The following IDUA variants were observed in gnomAD, a reference collection of about 807,000 sequenced individuals.
IDUA encodes the protein iduronidase alpha-L-.
Under a neutral mutation model 68.9 loss-of-function variants are expected in IDUA, and 65 were observed. The observed-to-expected ratio is 0.94, with a 90% CI of 0.77 to 1.16. The LOEUF is 1.16. Ranked by LOEUF, IDUA falls within the 50% of genes most tolerant of loss-of-function variation. IDUA has a pLI of 0.00. For synonymous variants in IDUA, 529 were observed against 433.6 expected (o/e 1.22, Z -2.73); for missense variants, 1,046 against 938.0 (o/e 1.12, Z -1.50).
In IDUA at chr4:1,003,962, C is replaced by T. The variant is rs1715285534; in HGVS notation, c.1728-50C>T. 3.4e-6 allele frequency: 5 copies of T among 1,479,946 alleles called. No homozygotes were observed. In the South Asian group the frequency reaches 3.4e-5, roughly 10 times the overall value. The allele number at this position is 1,479,946 out of a possible 1,614,324, so 91.7% of individuals were successfully genotyped here. A position where few individuals can be genotyped will look rare whatever the true frequency, so the allele number is the denominator to read the frequency against. ...GCGGCCGTGCCCTGCCTGCTCCCAC[C>T]TTTGAGGACTGTCTTGACCCCAGCC... is the stretch of plus-strand genomic sequence containing the variant. On this transcript the variant is annotated intron_variant, in intron 12 of 13. Coordinates refer to ENST00000514224, the MANE Select transcript of IDUA (RefSeq NM_000203.5).
Position 997,421 on chromosome 4 carries a change from C to G in IDUA, c.300-3191C>G, listed in dbSNP as rs1054412519. On this transcript the variant is annotated intron_variant, in intron 2 of 13. Transcript: ENST00000514224. ...CACCGCCTGCGAACCCCCATGCACG[C>G]GCGGCCCCGCCCCGCGCACTCACCA... Among the ~76,000 whole-genome samples, 8 of 150,158 alleles carry G rather than the reference C, an allele frequency of 5.3e-5. 1 individual carries two copies. Among genetic ancestry groups the G allele is most frequent in the African/African-American group, 1.5e-4 (6 of 40,884 alleles).
chr4:989,685 G>T, intron 2 of IDUA: 1 of 1,564,392 alleles, frequency 6.4e-7, no homozygotes, highest in South Asian at 1.2e-5. Flanking sequence ...CGGTGGCGCT[G>T]ACCACGCTGG....
rs1303818118 is a variant in IDUA, at chr4:990,168, C to T, written c.299+2219C>T. The T allele has an allele frequency of 2.6e-6, 4 of 1,560,518 alleles. No homozygotes were observed. In the African/African-American group the frequency reaches 5.4e-5, roughly 21 times the overall value. On this transcript the variant is annotated intron_variant, in intron 2 of 13. Coordinates refer to ENST00000514224, the MANE Select transcript of IDUA (RefSeq NM_000203.5). ...TGACCACGTCGCACACGTTGGCCTG[C>T]CCGGCGCCGCGCAGCAGGCTCAGCC...
At chr4:1,001,269 CA>C in intron 4 of IDUA, 198 bp from the exon 5 acceptor site, 1 of 647,078 alleles carries the variant, frequency 1.5e-6, no homozygotes, top group South Asian at 1.8e-5. Flanking sequence ...ACCCAGGCCG[CA>C]CCCCTATCAC....
chr4:1,002,151 T>C lies in IDUA; in HGVS notation c.962T>C (p.Met321Thr), dbSNP rs777732506. 1.9e-6 allele frequency: 3 copies of C among 1,558,312 alleles called. No individual in the cohort carries two copies. The highest frequency in any genetic ancestry group is 2.4e-5 in the East Asian group (1 of 41,780). The change falls in exon 7 of 14, where the codon ATG (methionine) becomes ACG (threonine). Residue 321 changes from methionine to threonine, a missense_variant. Physicochemically the swap from Met to Thr is moderately conservative, Grantham distance 81. Transcript: ENST00000514224. ...AGGGCGGACGTGACCTACGCGGCCA[T>C]GGTGGTGAAGGTGGGCCGGCCCAAC... is the stretch of plus-strand genomic sequence containing the variant. ...PWRADVTYAAMVVKVIAQHQN... is the reference protein window; with the variant it reads ...PWRADVTYAATVVKVIAQHQN...
rs773184536 is a variant in IDUA at position 1,003,407 on chromosome 4, G to T, written c.1587G>T (p.Ala529=). Residue 529 remains alanine (A), a synonymous_variant, in exon 11 of 14, where the codon GCG becomes GCT. Coordinates refer to ENST00000514224, the MANE Select transcript of IDUA (RefSeq NM_000203.5). ...GCGGCCGCCTGACCCTGCGCCCCGCGCTGCGGCTGCCGTCGCTTTTGCTGG... is the reference window on the plus strand; with the variant it reads ...GCGGCCGCCTGACCCTGCGCCCCGCTCTGCGGCTGCCGTCGCTTTTGCTGG... The part of the protein sequence containing the change: ...PAGGRLTLRP[A]LRLPSLLLVH... 29 of 1,524,890 alleles carry T rather than the reference G, an allele frequency of 1.9e-5. No individual in the cohort carries two copies. The Admixed American group carries it at 3.4e-4, about 18-fold the overall frequency. 94.5% of individuals were successfully genotyped at this position (1,524,890 alleles called of 1,614,324 possible). A position where few individuals can be genotyped will look rare whatever the true frequency, so the allele number is the denominator to read the frequency against.
chr4:988,896 G>A (rs368902728), intron 2 of IDUA: 37 of 1,604,136 alleles, frequency 2.3e-5, no homozygotes, highest in African/African-American at 1.2e-4. Context: ...GCACGGCATC[G>A]TGCACACTGA....
chr4:991,847 T>C (rs866513922), intron 2 of IDUA: 2 of 1,522,610 alleles, frequency 1.3e-6, no homozygotes, highest in African/African-American at 1.4e-5. Flanking sequence ...GGGCCGGGGA[T>C]TGGTGCTGGG....
rs1715025566 is a variant in IDUA, at chr4:1,000,796, G to C, written c.386-86G>C. 4.1e-6 allele frequency: 6 copies of C among 1,481,316 alleles called. No homozygotes were observed. In the East Asian group the frequency reaches 1.4e-4, roughly 34 times the overall value. 91.8% of individuals were successfully genotyped at this position (1,481,316 alleles called of 1,614,324 possible). On this transcript the variant is annotated intron_variant, in intron 3 of 13. Coordinates refer to ENST00000514224, the MANE Select transcript of IDUA (RefSeq NM_000203.5). ...CTCTGAGTCCTTGGATGTCCATTCA[G>C]GGCTGGCCTTGGTGCCGGAGCACAG...
intron 2 of IDUA, chr4:991,886 C>G: frequency 7.3e-7 from 1 of 1,375,790 alleles, no homozygotes; most frequent in Non-Finnish European, 1.0e-6. Flanking sequence ...GGCCCCAGCC[C>G]CCTGCCCGGT....
chr4:996,785 C>T (rs762663374), intron 2 of IDUA, among the ~76,000 whole-genome samples: 14 of 152,072 alleles, frequency 9.2e-5, no homozygotes, highest in Non-Finnish European at 1.6e-4. Context: ...GTGGCCAGGC[C>T]CAGAGGCTGA....
chr4:996,924 G>A (rs1181721136), intron 2 of IDUA, among the ~76,000 whole-genome samples: 2 of 152,168 alleles, frequency 1.3e-5, no homozygotes, highest in African/African-American at 2.4e-5. Flanking sequence ...GACAGGGGGC[G>A]TGGGGGCCCC....
In IDUA at chr4:991,232, T is replaced by TACA. The variant is rs753391851; in HGVS notation, c.299+3283_299+3284insACA. ...GCCGAGCCGTTGAGGGTGCTGCTGT[T>TACA]GGCTCCGGGCTGCAGGCCGTCCTGG... On this transcript the variant is annotated intron_variant, in intron 2 of 13. Coordinates refer to ENST00000514224, the MANE Select transcript of IDUA (RefSeq NM_000203.5). 3 of 1,611,052 alleles carry TACA rather than the reference T, an allele frequency of 1.9e-6. No homozygotes were observed. The African/African-American group carries it at 4.0e-5, about 22-fold the overall frequency.
intron 9 of IDUA, 35 bp from the exon 10 acceptor site, chr4:1,003,001 C>A (rs774488974): frequency 7.0e-7 from 1 of 1,433,496 alleles, no homozygotes; most frequent in South Asian, 1.4e-5. Flanking sequence ...AGGGGGCGGC[C>A]CGGGGAGCCG....
At chr4:990,779 G>A (rs1479579096) in intron 2 of IDUA, 4 of 388,606 alleles carry the variant, frequency 1.0e-5, no homozygotes, top group South Asian at 4.5e-5. Context: ...ACCTTCGGGG[G>A]TGGGGAGGCC....
At chr4:1,001,380 C>T (rs375707303) in intron 4 of IDUA, 88 bp from the exon 5 acceptor site, 25 of 1,080,106 alleles carry the variant, frequency 2.3e-5, no homozygotes, top group South Asian at 1.5e-4. Context: ...TTGAGTCAGA[C>T]GCCCTTCATC....
intron 2 of IDUA, chr4:993,259 C>T (rs1054196765): frequency 6.6e-6 from 1 of 152,366 alleles, no homozygotes; most frequent in Non-Finnish European, 1.5e-5. Flanking sequence ...TCCCACGCCC[C>T]CCTCTGCTGC....
chr4:991,266 A>G, intron 2 of IDUA: 2 of 1,612,630 alleles, frequency 1.2e-6, no homozygotes, highest in Non-Finnish European at 1.7e-6. Flanking sequence ...GGGAGGGGTC[A>G]AAGCCGGCCA....
intron 2 of IDUA, chr4:989,214 C>T: frequency 6.2e-7 from 1 of 1,610,126 alleles, no homozygotes; most frequent in East Asian, 2.2e-5. Flanking sequence ...CTGAGCCCCC[C>T]TCCTTCCTCC....
Sources: allele counts gnomAD v4.1 joint callset (sites outside exome capture counted in the v4.1 genomes callset), GRCh38; gene constraint gnomAD v4.1.1; transcripts MANE v1.5; gene names NCBI Gene and HGNC (gene_info 2026-07-23, HGNC 2026-07-21).